Variants in BICRA observed in about 807,000 individuals in gnomAD.
BICRA encodes the protein BRD4-interacting chromatin-remodeling complex-associated protein.
A neutral mutation model predicts 96.9 loss-of-function variants in BICRA; 31 were observed. The observed-to-expected ratio is 0.32, with a 90% CI of 0.24 to 0.43. The LOEUF (loss-of-function observed/expected upper bound fraction) is 0.43, where lower values mean the gene tolerates loss of function less well. BICRA is among the 20% of genes least tolerant of loss of function. The pLI is 1.00. For synonymous variants in BICRA, 1,350 were observed against 1,071.8 expected (o/e 1.26, Z -5.07); for missense variants, 2,283 against 2,190.3 (o/e 1.04, Z -0.84).
chr19:47,668,840 C>T (rs1445142321), intron 1 of BICRA, among the ~76,000 whole-genome samples: 2 of 151,274 alleles, frequency 1.3e-5, no homozygotes, highest in African/African-American at 2.4e-5. Flanking sequence ...GGCTCCTAGG[C>T]CAGGCGCAGT....
rs751487389 is a variant in BICRA at position 47,694,993 on chromosome 19, G to A, written c.2989G>A (p.Ala997Thr). 36 of 1,548,676 alleles carry A rather than the reference G, an allele frequency of 2.3e-5. No individual in the cohort carries two copies. The highest frequency in any genetic ancestry group is 3.1e-5 in the Non-Finnish European group (36 of 1,156,484). ...TSLGPLTSPA[A>T]SVLVSGQAPS... ...CCTGGGGCCCCTCACCAGCCCCGCT[G>A]CGTCTGTGCTGGTCAGTGGGCAGGC... Residue 997 changes from alanine to threonine, a missense_variant, in exon 9 of 15, where the codon GCG (alanine) becomes ACG (threonine). Ala to Thr is a moderately conservative substitution (Grantham distance 58, BLOSUM62 0). Transcript: ENST00000594866.
chr19:47,612,405 C>G (rs1174617113), intron 1 of BICRA, among the ~76,000 whole-genome samples: 1 of 150,080 alleles, frequency 6.7e-6, no homozygotes, highest in Non-Finnish European at 1.5e-5. Flanking sequence ...AAGAGTGAGA[C>G]CCTGTCTCAA....
chr19:47,694,939 G>A lies in BICRA; in HGVS notation c.2935G>A (p.Ala979Thr). Residue 979 changes from alanine (A) to threonine (T), a missense_variant, in exon 9 of 15, where the codon GCC becomes ACC. Coordinates refer to ENST00000594866, the MANE Select transcript of BICRA (RefSeq NM_001394372.1). ...CATCCTCCAGAACAAGGCTGGGGGG[G>A]CCCCTGCCGCCCCGCAGACCTCCAC... is the stretch of plus-strand genomic sequence containing the variant. ...GIILQNKAGGAPAAPQTSTSL... is the reference protein window; with the variant it reads ...GIILQNKAGGTPAAPQTSTSL... The A allele has an allele frequency of 4.6e-6, 7 of 1,531,310 alleles. No homozygotes were observed. Among genetic ancestry groups the A allele is most frequent in the East Asian group, 2.3e-5 (1 of 43,914 alleles). The allele number at this position is 1,531,310 out of a possible 1,614,324, so 94.9% of individuals were successfully genotyped here.
intron 1 of BICRA, among the ~76,000 whole-genome samples, chr19:47,651,787 C>T (rs1972544721): frequency 1.3e-5 from 2 of 152,314 alleles, no homozygotes; most frequent in South Asian, 4.1e-4. Context: ...GCAGACAATG[C>T]TGGTTCCAAG....
rs1599864501 is a variant in BICRA at position 47,694,253 on chromosome 19, CAGAGTGTG to C, written c.2423_2430del (p.Gln808LeufsTer60). The C allele has an allele frequency of 1.7e-5, 16 of 928,292 alleles. No individual in the cohort carries two copies. The highest frequency in any genetic ancestry group is 1.6e-5 in the Non-Finnish European group (10 of 613,424). The allele number at this position is 928,292 out of a possible 1,614,324, so 57.5% of individuals were successfully genotyped here. On this transcript the variant is annotated frameshift_variant, in exon 8 of 15. Transcript: ENST00000594866. LOFTEE classifies it high-confidence loss of function. ...CCCTTCCCGCCCACCCTCCCGGCCA[CAGAGTGTG>C]TCCCGCCCTCCCTCAGAGCCACCCT...
chr19:47,615,576 C>T (rs1971971287), intron 1 of BICRA: 1 of 149,026 alleles, frequency 6.7e-6, no homozygotes, highest in South Asian at 2.1e-4. Flanking sequence ...TTGGTTTTCC[C>T]CTCTATTAAG....
chr19:47,659,424 G>A (rs1208369535), intron 1 of BICRA, among the ~76,000 whole-genome samples: 4 of 152,060 alleles, frequency 2.6e-5, no homozygotes, highest in Non-Finnish European at 4.4e-5. Context: ...TCATGCAAGC[G>A]GCTACATATC....
intron 1 of BICRA, among the ~76,000 whole-genome samples, chr19:47,621,632 C>T (rs1972066151): frequency 6.6e-6 from 1 of 150,864 alleles, no homozygotes; most frequent in African/African-American, 2.4e-5. Flanking sequence ...TGCCACCACA[C>T]CCGGCTGATT....
intron 1 of BICRA, among the ~76,000 whole-genome samples, chr19:47,642,268 C>G (rs1972395791): frequency 6.6e-6 from 1 of 152,124 alleles, no homozygotes. Context: ...GGGTTATTTC[C>G]AGTGTTTGGC....
chr19:47,643,370 C>G (rs1251184245), intron 1 of BICRA, among the ~76,000 whole-genome samples: 1 of 152,192 alleles, frequency 6.6e-6, no homozygotes, highest in East Asian at 1.9e-4. Flanking sequence ...GGTGTGCTGC[C>G]CCTGACTGAC....
chr19:47,646,062 C>T (rs1469598711), intron 1 of BICRA, among the ~76,000 whole-genome samples: 1 of 152,094 alleles, frequency 6.6e-6, no homozygotes, highest in African/African-American at 2.4e-5. Context: ...TGTGCCACTG[C>T]ACTGTAGCCT....
intron 7 of BICRA, among the ~76,000 whole-genome samples, chr19:47,685,772 TGTGTGTGTGTGTGTGC>T (rs1318547667): frequency 6.0e-5 from 8 of 133,736 alleles, no homozygotes; most frequent in East Asian, 2.6e-4. Flanking sequence ...TGTGTGTGTG[TGTGTGTGTGTGTGTGC>T]GCGCGCGCGC....
In BICRA at chr19:47,646,449, G is replaced by GCA. The variant is rs879416524; in HGVS notation, c.-107-23993_-107-23992insAC. ...CACACATGCACACAGACACACGTGT[G>GCA]CGCGCACACACACACGGCTGAAACA... is the stretch of plus-strand genomic sequence containing the variant. On this transcript the variant is annotated intron_variant, in intron 1 of 14. Coordinates refer to ENST00000594866, the MANE Select transcript of BICRA (RefSeq NM_001394372.1). Among the ~76,000 whole-genome samples, 919 of 152,282 alleles carry GCA rather than the reference G, an allele frequency of 6.0e-3. 10 individuals are homozygous for GCA. The highest frequency in any genetic ancestry group is 9.4e-3 in the Non-Finnish European group (638 of 68,018).
chr19:47,695,342 T>TCCGGCCCC, intron 9 of BICRA, 23 bp from the exon 10 acceptor site: 1 of 630,200 alleles, frequency 1.6e-6, no homozygotes, highest in Non-Finnish European at 2.8e-6. Flanking sequence ...AGGCCCTGTC[T>TCCGGCCCC]CCCCCACCCC....
intron 1 of BICRA, among the ~76,000 whole-genome samples, chr19:47,653,601 A>G (rs1040240803): frequency 3.3e-5 from 5 of 152,208 alleles, no homozygotes; most frequent in Admixed American, 6.5e-5. Context: ...GCATAAATGG[A>G]ATCATGGAAT....
chr19:47,671,414 C>T (rs2123573859), intron 2 of BICRA, among the ~76,000 whole-genome samples: 1 of 151,900 alleles, frequency 6.6e-6, no homozygotes, highest in East Asian at 1.9e-4. Context: ...CCTACCCCAA[C>T]AAAAAAAGAG....
intron 7 of BICRA, among the ~76,000 whole-genome samples, chr19:47,683,284 C>T (rs1256728374): frequency 1.3e-5 from 2 of 152,092 alleles, no homozygotes; most frequent in African/African-American, 2.4e-5. Context: ...CCGCCCCCCG[C>T]AACCTCACCA....
chr19:47,682,044 C>A lies in BICRA; in HGVS notation c.2175C>A (p.Ser725Arg). 6.4e-7 allele frequency: 1 copy of A among 1,554,276 alleles called. No individual in the cohort carries two copies. The part of the protein sequence containing the change: ...HLSVPASVIV[S>R]APPPAQDPAP... ...CCGTGCCTGCCTCGGTCATAGTCAG[C>A]GCCCCGCCTCCCGCCCAAGACCCAG... Residue 725 changes from serine to arginine, a missense_variant, in exon 7 of 15, where the codon AGC (serine) becomes AGA (arginine). Transcript: ENST00000594866.
chr19:47,644,432 CTCCCTTCCTCCCTCCCTCCCTCCT>C (rs1972428500), intron 1 of BICRA, among the ~76,000 whole-genome samples: 1 of 144,454 alleles, frequency 6.9e-6, no homozygotes, highest in Non-Finnish European at 1.5e-5. Flanking sequence ...TCCTCCCTCC[CTCCCTTCCTCCCTCCCTCCCTCCT>C]TCCCCTCCCC....
Sources: gnomAD v4.1 joint callset for allele counts (sites outside exome capture counted in the v4.1 genomes callset) on GRCh38, gnomAD v4.1.1 for gene constraint, MANE v1.5 for transcripts, NCBI Gene and HGNC (gene_info 2026-07-23, HGNC 2026-07-21) for gene names.